ARIH2: variants seen among roughly 807,000 people sequenced by gnomAD.
ARIH2 encodes E3 ubiquitin-protein ligase ARIH2.
ARIH2 carries 12 observed loss-of-function variants against 79.8 expected under a neutral mutation model. The ratio of observed to expected loss-of-function variants is 0.15; its 90% CI spans 0.10 to 0.24. ARIH2 has a LOEUF of 0.24. Ranked by LOEUF, ARIH2 falls within the 10% of genes least tolerant of loss-of-function variation. The probability of loss-of-function intolerance (pLI) is 1.00; values close to 1 mark genes in which losing one functional copy is unlikely to be tolerated. For missense variants in ARIH2, 301 were observed against 618.3 expected (o/e 0.49, Z 5.44); for synonymous variants, 224 against 213.9 (o/e 1.05, Z -0.41).
chr3:48,961,119 T>C (rs183664963), intron 3 of ARIH2, among the ~76,000 whole-genome samples: 1 of 152,204 alleles, frequency 6.6e-6, no homozygotes, highest in African/African-American at 2.4e-5. Context: ...ATTCAGTGAT[T>C]TTAAACTGAG....
In ARIH2 at chr3:48,927,478, T is replaced by G; in HGVS notation, c.-81T>G. On this transcript the variant is annotated 5_prime_UTR_variant, in exon 3 of 16. An upstream start codon of the reference 5' UTR is lost. Coordinates refer to ENST00000356401, the MANE Select transcript of ARIH2 (RefSeq NM_006321.4). Reference sequence around the variant, plus strand: ...CTCCCTTAGAAGACAAAAATACTAATGCATTTGAGAAAGCGGTAGTTTTGG... The same window carrying G: ...CTCCCTTAGAAGACAAAAATACTAAGGCATTTGAGAAAGCGGTAGTTTTGG... 6.6e-7 allele frequency: 1 copy of G among 1,517,228 alleles called. No homozygotes were observed. The highest frequency in any genetic ancestry group is 8.9e-7 in the Non-Finnish European group (1 of 1,125,610). 94.0% of individuals were successfully genotyped at this position (1,517,228 alleles called of 1,614,324 possible).
intron 14 of ARIH2, among the ~76,000 whole-genome samples, chr3:48,982,450 TG>T (rs1028859262): frequency 1.3e-5 from 2 of 152,250 alleles, no homozygotes; most frequent in Admixed American, 6.5e-5. Flanking sequence ...AATATTTTTG[TG>T]CATAAAGCTG....
intron 3 of ARIH2, among the ~76,000 whole-genome samples, chr3:48,938,904 T>G (rs1475229628): frequency 8.9e-6 from 1 of 112,302 alleles, no homozygotes; most frequent in South Asian, 3.1e-4. Context: ...CCCCACTGGG[T>G]CTTTAGACCA....
chr3:48,941,167 G>A (rs1243851104), intron 3 of ARIH2, among the ~76,000 whole-genome samples: 16 of 92,378 alleles, frequency 1.7e-4, no homozygotes, highest in Admixed American at 9.3e-4. Flanking sequence ...GCAAGACTCC[G>A]TCTCAAAAAA....
chr3:48,930,772 AT>A (rs966626834), intron 3 of ARIH2, among the ~76,000 whole-genome samples: 1 of 152,228 alleles, frequency 6.6e-6, no homozygotes, highest in African/African-American at 2.4e-5. Context: ...CACTACTGAT[AT>A]CCCATTGGTC....
chr3:48,967,814 G>A (rs909976792), intron 6 of ARIH2, among the ~76,000 whole-genome samples: 11 of 152,118 alleles, frequency 7.2e-5, no homozygotes, highest in Non-Finnish European at 1.2e-4. Flanking sequence ...TTTTTAAATG[G>A]TTTTGTTATT....
chr3:48,961,996 A>G (rs2091313774), intron 4 of ARIH2, among the ~76,000 whole-genome samples: 1 of 152,158 alleles, frequency 6.6e-6, no homozygotes, highest in Non-Finnish European at 1.5e-5. Flanking sequence ...GTGCCTTTCT[A>G]GGTAACACGC....
chr3:48,955,773 G>A (rs2090502488), intron 3 of ARIH2, among the ~76,000 whole-genome samples: 2 of 152,204 alleles, frequency 1.3e-5, no homozygotes, highest in Non-Finnish European at 2.9e-5. Context: ...GATGGCTCAA[G>A]GTGGCCACTG....
At chr3:48,925,280 ATTT>A (rs1035913255) in intron 2 of ARIH2, 2 of 150,298 alleles carry the variant, frequency 1.3e-5, no homozygotes, top group Admixed American at 6.7e-5. Context: ...TGCCCGGCTA[ATTT>A]TTTGTATTTT....
intron 1 of ARIH2, chr3:48,921,640 C>T (rs116277569): frequency 8.6e-5 from 13 of 151,866 alleles, no homozygotes; most frequent in African/African-American, 2.4e-4. Flanking sequence ...CACCATGTTG[C>T]CCAGGCTTGT....
chr3:48,953,954 T>C (rs575426940), intron 3 of ARIH2, among the ~76,000 whole-genome samples: 4 of 148,214 alleles, frequency 2.7e-5, no homozygotes, highest in African/African-American at 1.0e-4. Flanking sequence ...ACCTGAGGTC[T>C]GGAGTTTGAG....
chr3:48,941,593 CTTTT>C (rs1421452514), intron 3 of ARIH2, among the ~76,000 whole-genome samples: 6 of 135,620 alleles, frequency 4.4e-5, no homozygotes, highest in Admixed American at 7.4e-5. Context: ...CTTTTCTTTT[CTTTT>C]TTTTTTTTTT....
At chr3:48,936,887 G>A (rs1363515789) in intron 3 of ARIH2, among the ~76,000 whole-genome samples, 2 of 151,976 alleles carry the variant, frequency 1.3e-5, no homozygotes, top group African/African-American at 4.8e-5. Context: ...AATTAGCCGG[G>A]CATGGTGGCA....
chr3:48,931,836 T>C (rs2086407064), intron 3 of ARIH2, among the ~76,000 whole-genome samples: 2 of 152,024 alleles, frequency 1.3e-5, no homozygotes, highest in Admixed American at 6.6e-5. Context: ...GTGAAAAACC[T>C]GTCTTTACTA....
intron 3 of ARIH2, among the ~76,000 whole-genome samples, chr3:48,955,736 G>C (rs1330742814): frequency 6.6e-6 from 1 of 152,144 alleles, no homozygotes; most frequent in African/African-American, 2.4e-5. Flanking sequence ...TAGAAGATTT[G>C]TTTTGGCCCT....
At chr3:48,978,455 GTGTGTGTGTGTA>G (rs1488264165) in intron 11 of ARIH2, among the ~76,000 whole-genome samples, 1 of 116,602 alleles carries the variant, frequency 8.6e-6, no homozygotes, top group Non-Finnish European at 1.7e-5. Context: ...GTGTGTGTGT[GTGTGTGTGTGTA>G]TATATATATA....
chr3:48,976,246 T>C (rs2092491638), intron 11 of ARIH2, among the ~76,000 whole-genome samples: 1 of 146,574 alleles, frequency 6.8e-6, no homozygotes, highest in Non-Finnish European at 1.5e-5. Context: ...GGAGTTCTGC[T>C]CTTGTCGCTC....
At chr3:48,923,903 G>A (rs915654675) in intron 2 of ARIH2, among the ~76,000 whole-genome samples, 6 of 152,174 alleles carry the variant, frequency 3.9e-5, no homozygotes, top group African/African-American at 7.2e-5. Flanking sequence ...TAAGGCCAAC[G>A]CAGGAGGATC....
At chr3:48,942,173 C>G (rs923584935) in intron 3 of ARIH2, among the ~76,000 whole-genome samples, 1 of 151,718 alleles carries the variant, frequency 6.6e-6, no homozygotes, top group Non-Finnish European at 1.5e-5. Context: ...GCTTCAGCCT[C>G]CTAAATAGCT....
Sources: gnomAD v4.1 joint callset for allele counts (sites outside exome capture counted in the v4.1 genomes callset) on GRCh38, gnomAD v4.1.1 for gene constraint, MANE v1.5 for transcripts, NCBI Gene and HGNC (gene_info 2026-07-23, HGNC 2026-07-21) for gene names.